Variants in STK33 observed in about 807,000 individuals in gnomAD.
STK33 encodes serine/threonine-protein kinase 33.
In STK33, 52 loss-of-function variants were observed where a neutral mutation model predicts 58.0. That is an observed-to-expected ratio of 0.90 (90% confidence interval 0.72 to 1.13). STK33 has a LOEUF of 1.13. Among genes scored for constraint, STK33 ranks in the 50% most tolerant of loss-of-function variants. The pLI, the probability that STK33 is intolerant of heterozygous loss-of-function variation, is 0.00. For synonymous variants in STK33, 215 were observed against 200.1 expected, an observed-to-expected ratio of 1.07 and a Z score of -0.63; for missense variants, 630 against 604.2, an observed-to-expected ratio of 1.04 and a Z score of -0.45.
At chr11:8,557,875 A>G (rs1328942415) in intron 1 of STK33, among the ~76,000 whole-genome samples, 1 of 152,246 alleles carries the variant, frequency 6.6e-6, no homozygotes, top group Non-Finnish European at 1.5e-5. Context: ...AACTTGGTGC[A>G]AGGCTTTCTT....
chr11:8,375,915 C>T, the STK33 span, among the ~76,000 whole-genome samples: 1 of 152,170 alleles, frequency 6.6e-6, no homozygotes, highest in Non-Finnish European at 1.5e-5. Flanking sequence ...TCTGGCAGTT[C>T]TTTATAGTAG....
At chr11:8,377,911 C>A in the STK33 span, among the ~76,000 whole-genome samples, 4 of 152,086 alleles carry the variant, frequency 2.6e-5, no homozygotes, top group Non-Finnish European at 5.9e-5. Flanking sequence ...GGTAAAAGAT[C>A]CCTACAAAGA....
intron 15 of STK33, among the ~76,000 whole-genome samples, chr11:8,410,238 T>A (rs1359102975): frequency 1.3e-5 from 2 of 152,208 alleles, no homozygotes; most frequent in African/African-American, 4.8e-5. Flanking sequence ...TAAATTTCAA[T>A]GTTATTTAAA....
chr11:8,555,955 G>A (rs1354400257), intron 1 of STK33, among the ~76,000 whole-genome samples: 1 of 152,214 alleles, frequency 6.6e-6, no homozygotes, highest in Non-Finnish European at 1.5e-5. Context: ...AGGGTGATCA[G>A]AGAAGACACC....
chr11:8,563,450 C>CTAAG (rs1474829520), intron 1 of STK33, among the ~76,000 whole-genome samples: 1 of 152,134 alleles, frequency 6.6e-6, no homozygotes, highest in African/African-American at 2.4e-5. Context: ...GAAACAATGA[C>CTAAG]TAAGTGTATG....
chr11:8,448,198 C>T (rs1455290766), intron 11 of STK33, among the ~76,000 whole-genome samples: 1 of 152,098 alleles, frequency 6.6e-6, no homozygotes, highest in East Asian at 1.9e-4. Context: ...GTGAAAATGG[C>T]CATACTGTCC....
At chr11:8,486,799 C>T (rs528944234) in intron 1 of STK33, among the ~76,000 whole-genome samples, 1 of 152,060 alleles carries the variant, frequency 6.6e-6, no homozygotes, top group African/African-American at 2.4e-5. Flanking sequence ...GAAATTGTGG[C>T]CTTAACTAGG....
chr11:8,346,955 C>A, the STK33 span, among the ~76,000 whole-genome samples: 2 of 152,264 alleles, frequency 1.3e-5, no homozygotes, highest in South Asian at 4.1e-4. Context: ...TTCTATAATT[C>A]ATTTCATCTT....
chr11:8,394,787 G>C (rs146998849), intron 15 of STK33, among the ~76,000 whole-genome samples: 1 of 152,270 alleles, frequency 6.6e-6, no homozygotes, highest in East Asian at 1.9e-4. Flanking sequence ...ACAATGTTTA[G>C]TTGCTTTGGT....
chr11:8,499,464 C>T (rs1351378774), intron 1 of STK33, among the ~76,000 whole-genome samples: 1 of 152,188 alleles, frequency 6.6e-6, no homozygotes, highest in Non-Finnish European at 1.5e-5. Context: ...CGCTGTTACA[C>T]TGTTGGTGGG....
chr11:8,407,813 G>A (rs1246653625), intron 15 of STK33, among the ~76,000 whole-genome samples: 1 of 151,978 alleles, frequency 6.6e-6, no homozygotes, highest in Admixed American at 6.5e-5. Flanking sequence ...GTGGCTAAAG[G>A]TACAAATTTA....
At chr11:8,353,225 C>A in the STK33 span, among the ~76,000 whole-genome samples, 5 of 152,304 alleles carry the variant, frequency 3.3e-5, no homozygotes, top group East Asian at 1.9e-4. Context: ...GGGCTCACAC[C>A]CTTCCTGGGT....
At chr11:8,582,386 T>C (rs746127039) in intron 1 of STK33, among the ~76,000 whole-genome samples, 1 of 152,194 alleles carries the variant, frequency 6.6e-6, no homozygotes, top group Non-Finnish European at 1.5e-5. Context: ...GGGTAATTTA[T>C]AAAGGAAAGG....
chr11:8,569,727 C>A (rs1357827277), intron 1 of STK33, among the ~76,000 whole-genome samples: 1 of 152,108 alleles, frequency 6.6e-6, no homozygotes, highest in Non-Finnish European at 1.5e-5. Flanking sequence ...GAGGCCAAGG[C>A]AGGCAGATCA....
chr11:8,478,985 C>T (rs184434877), intron 2 of STK33, among the ~76,000 whole-genome samples: 12 of 152,108 alleles, frequency 7.9e-5, no homozygotes, highest in Admixed American at 7.2e-4. Context: ...CACATTATTT[C>T]AGAATTTTTT....
chr11:8,546,962 A>T (rs961364295), intron 1 of STK33, among the ~76,000 whole-genome samples: 2 of 152,050 alleles, frequency 1.3e-5, no homozygotes, highest in African/African-American at 4.8e-5. Flanking sequence ...CATACGGTAG[A>T]CTATTTTTAG....
the STK33 span, among the ~76,000 whole-genome samples, chr11:8,384,450 G>A: frequency 2.8e-4 from 43 of 152,316 alleles, no homozygotes; most frequent in African/African-American, 1.0e-3. Context: ...AGCCTCTTGC[G>A]GGAGGTCGGA....
chr11:8,520,964 A>G (rs1476352561), intron 1 of STK33, among the ~76,000 whole-genome samples: 2 of 151,658 alleles, frequency 1.3e-5, no homozygotes, highest in African/African-American at 4.8e-5. Flanking sequence ...TTCTAATGAT[A>G]ATGAATGAAA....
intron 7 of STK33, among the ~76,000 whole-genome samples, chr11:8,462,759 T>C (rs954109846): frequency 5.3e-5 from 8 of 152,120 alleles, no homozygotes; most frequent in Non-Finnish European, 1.2e-4. Context: ...GTGTAGGTAA[T>C]TGATAATCTA....
Sources: gnomAD v4.1 joint callset for allele counts (sites outside exome capture counted in the v4.1 genomes callset) on GRCh38, gnomAD v4.1.1 for gene constraint, MANE v1.5 for transcripts, NCBI Gene and HGNC (gene_info 2026-07-23, HGNC 2026-07-21) for gene names.